Variants in NBAS observed in about 807,000 individuals in gnomAD.
NBAS encodes NAG/BC035112 fusion.
In NBAS, 219 loss-of-function variants were observed where a neutral mutation model predicts 302.5. The observed-to-expected ratio is 0.72, with a 90% CI of 0.65 to 0.81. The LOEUF (loss-of-function observed/expected upper bound fraction) is 0.81, where lower values mean the gene tolerates loss of function less well. NBAS is among the 30% of genes least tolerant of loss of function. The pLI is 0.00. For synonymous variants in NBAS, 1,118 were observed against 1,021.6 expected (o/e 1.09, Z -1.80); for missense variants, 2,932 against 2,841.6 (o/e 1.03, Z -0.72).
At chr2:15,531,650 C>A (rs1248131138) in intron 9 of NBAS, among the ~76,000 whole-genome samples, 2 of 152,204 alleles carry the variant, frequency 1.3e-5, no homozygotes, top group Non-Finnish European at 2.9e-5. Context: ...TTGACCTCAC[C>A]TTATTACTCT....
intron 12 of NBAS, among the ~76,000 whole-genome samples, chr2:15,484,653 C>T (rs746745377): frequency 5.3e-5 from 8 of 152,130 alleles, no homozygotes; most frequent in Non-Finnish European, 7.4e-5. Context: ...AATCCTTCTC[C>T]CCAACACTAT....
the NBAS span, among the ~76,000 whole-genome samples, chr2:14,813,981 C>A: frequency 6.6e-6 from 1 of 152,190 alleles, no homozygotes; most frequent in Non-Finnish European, 1.5e-5. Context: ...CTCTTCTAGT[C>A]ATAGCTAAAA....
At chr2:15,359,825 C>G (rs942921516) in intron 32 of NBAS, among the ~76,000 whole-genome samples, 9 of 151,870 alleles carry the variant, frequency 5.9e-5, no homozygotes, top group African/African-American at 2.2e-4. Context: ...TAGAAAGGCT[C>G]AAAAAAATAC....
At chr2:14,875,030 A>C in the NBAS span, among the ~76,000 whole-genome samples, 6 of 152,222 alleles carry the variant, frequency 3.9e-5, no homozygotes, top group Non-Finnish European at 4.4e-5. Context: ...TCTACAAAAA[A>C]AAATCTGTAA....
the NBAS span, among the ~76,000 whole-genome samples, chr2:14,991,712 A>G: frequency 8.5e-5 from 13 of 152,222 alleles, no homozygotes; most frequent in Non-Finnish European, 1.3e-4. Flanking sequence ...GACCATCAGC[A>G]TCACCTGGGT....
chr2:15,151,778 C>T, the NBAS span, among the ~76,000 whole-genome samples: 1 of 152,182 alleles, frequency 6.6e-6, no homozygotes, highest in Admixed American at 6.5e-5. Flanking sequence ...TTTCTTCAGT[C>T]TCCTAGTATT....
chr2:15,318,438 A>G (rs1671621382), intron 38 of NBAS, among the ~76,000 whole-genome samples: 1 of 152,248 alleles, frequency 6.6e-6, no homozygotes, highest in African/African-American at 2.4e-5. Flanking sequence ...CCCAATTAAA[A>G]GACACAGACT....
chr2:15,500,036 G>C (rs1177296244), intron 11 of NBAS, among the ~76,000 whole-genome samples: 3 of 152,024 alleles, frequency 2.0e-5, no homozygotes, highest in Non-Finnish European at 4.4e-5. Context: ...GCAATATTTG[G>C]AGAACGAGTT....
intron 6 of NBAS, among the ~76,000 whole-genome samples, chr2:15,540,970 C>A (rs946911466): frequency 2.6e-5 from 4 of 152,122 alleles, no homozygotes; most frequent in African/African-American, 9.6e-5. Context: ...GTAATCCGCC[C>A]GCCTCAGCCT....
the NBAS span, among the ~76,000 whole-genome samples, chr2:15,123,340 T>A: frequency 2.0e-5 from 3 of 152,152 alleles, no homozygotes; most frequent in Non-Finnish European, 2.9e-5. Context: ...GGAGAAGGGA[T>A]CGGAGCTCGT....
At chr2:15,325,056 T>C (rs1672000714) in intron 38 of NBAS, among the ~76,000 whole-genome samples, 1 of 152,158 alleles carries the variant, frequency 6.6e-6, no homozygotes, top group African/African-American at 2.4e-5. Context: ...GAGAAATCAG[T>C]TTGAGAGAGT....
chr2:15,310,342 T>C (rs1410297748), intron 38 of NBAS, among the ~76,000 whole-genome samples: 2 of 152,210 alleles, frequency 1.3e-5, no homozygotes, highest in Non-Finnish European at 2.9e-5. Context: ...TATCCAAATA[T>C]TTATTTCCTA....
chr2:15,517,797 C>G (rs1662471685), intron 9 of NBAS, among the ~76,000 whole-genome samples: 1 of 152,154 alleles, frequency 6.6e-6, no homozygotes, highest in Non-Finnish European at 1.5e-5. Flanking sequence ...GCCTCATGAC[C>G]TGATCACATT....
At position 15,186,824 on chromosome 2, in the gene NBAS, A is replaced by G. The variant is rs1211716427; in HGVS notation, c.6629T>C (p.Met2210Thr). 2 of 1,613,772 alleles carry G rather than the reference A, an allele frequency of 1.2e-6. No homozygotes were observed. Among genetic ancestry groups the G allele is most frequent in the Non-Finnish European group, 1.7e-6 (2 of 1,179,976 alleles). ...LATVMLTRCT[M>T]ENKEGLGNEV... ...ATTCCCCAATCCTTCCTTGTTCTCC[A>G]TCGTACATCTGGTTAGCATCACTGT... Residue 2210 changes from methionine (M) to threonine (T), a missense_variant, in exon 50 of 52, where the codon ATG becomes ACG. By Grantham distance (81) the Met-to-Thr change is moderately conservative. Coordinates refer to ENST00000281513, the MANE Select transcript of NBAS (RefSeq NM_015909.4).
At chr2:15,389,083 T>G (rs1163669284) in intron 28 of NBAS, among the ~76,000 whole-genome samples, 1 of 152,144 alleles carries the variant, frequency 6.6e-6, no homozygotes, top group Non-Finnish European at 1.5e-5. Flanking sequence ...TCTGAGGACT[T>G]CCACTGCCAA....
intron 51 of NBAS, among the ~76,000 whole-genome samples, chr2:15,170,523 G>C (rs1228272872): frequency 1.3e-5 from 2 of 152,238 alleles, no homozygotes; most frequent in African/African-American, 4.8e-5. Flanking sequence ...AGCTTGGGCA[G>C]TGAGCAGGGA....
the NBAS span, among the ~76,000 whole-genome samples, chr2:14,974,231 A>T: frequency 1.8e-4 from 27 of 152,354 alleles, no homozygotes; most frequent in African/African-American, 6.5e-4. Context: ...ACTTTGAATT[A>T]TCTAGGAAAG....
intron 30 of NBAS, among the ~76,000 whole-genome samples, chr2:15,376,664 T>C (rs985710679): frequency 6.6e-6 from 1 of 152,144 alleles, no homozygotes; most frequent in African/African-American, 2.4e-5. Flanking sequence ...AAATAAATAT[T>C]AGTCATCTGG....
chr2:15,223,405 T>C (rs1205550039), intron 47 of NBAS, among the ~76,000 whole-genome samples: 1 of 152,150 alleles, frequency 6.6e-6, no homozygotes, highest in Non-Finnish European at 1.5e-5. Context: ...ACCGCAATTA[T>C]AACTTTTATA....
Sources: allele counts gnomAD v4.1 joint callset (sites outside exome capture counted in the v4.1 genomes callset), GRCh38; gene constraint gnomAD v4.1.1; transcripts MANE v1.5; gene names NCBI Gene and HGNC (gene_info 2026-07-23, HGNC 2026-07-21).